Variants in CACNA1B observed in about 807,000 individuals in gnomAD.
The protein encoded by CACNA1B is voltage-dependent N-type calcium channel subunit alpha-1B.
CACNA1B carries 70 observed loss-of-function variants against 247.2 expected under a neutral mutation model. The observed-to-expected ratio is 0.28, with a 90% CI of 0.23 to 0.35. CACNA1B has a LOEUF of 0.35. Ranked by LOEUF, CACNA1B falls within the 10% of genes least tolerant of loss-of-function variation. The pLI is 1.00. For synonymous variants in CACNA1B, 1,231 were observed against 1,294.4 expected, an observed-to-expected ratio of 0.95 and a Z score of 1.05; for missense variants, 2,367 against 3,197.4, an observed-to-expected ratio of 0.74 and a Z score of 6.26.
At position 138,069,748 on chromosome 9, in the gene CACNA1B, T is replaced by C; in HGVS notation, c.4669-10T>C. ...ATGCAAATATCCATCCATGAAAACA[T>C]CACATGTAGGAAACGGTTGGTTTCA... On this transcript the variant is annotated splice_polypyrimidine_tract_variant and intron_variant, in intron 31 of 46. Transcript: ENST00000371372. 1 of 1,607,282 alleles carries C rather than the reference T, an allele frequency of 6.2e-7. No individual in the cohort carries two copies. Among genetic ancestry groups the C allele is most frequent in the Non-Finnish European group, 8.5e-7 (1 of 1,173,878 alleles).
At position 138,059,697 on chromosome 9, in the gene CACNA1B, T is replaced by C. The variant is rs1226448331; in HGVS notation, c.4628T>C (p.Val1543Ala). The change falls in exon 31 of 47, where the codon GTG becomes GCG. Residue 1543 changes from valine to alanine, a missense_variant. Val to Ala is a moderately conservative substitution (Grantham distance 64). Transcript: ENST00000371372. This position sits in a 1 kb window ranked among gnomAD's most constrained non-coding sequence, Gnocchi z 4.2. ...TGGAATGTCTTTGACTTTGTCACTG[T>C]GTTGGGAAGTATTACTGATATTTTA... is the stretch of plus-strand genomic sequence containing the variant. ...DAWNVFDFVTVLGSITDILVT... is the reference protein window; with the variant it reads ...DAWNVFDFVTALGSITDILVT... The C allele has an allele frequency of 6.2e-7, 1 of 1,608,984 alleles. No homozygotes were observed. The highest frequency in any genetic ancestry group is 1.7e-5 in the Admixed American group (1 of 60,020).
In CACNA1B at chr9:138,049,413, C is replaced by T. The variant is rs1959212705; in HGVS notation, c.3710+98C>T. 1.4e-5 allele frequency: 11 copies of T among 797,102 alleles called. 1 individual carries two copies. In the South Asian group the frequency reaches 1.6e-4, roughly 12 times the overall value. The allele number at this position is 797,102 out of a possible 1,614,324, so 49.4% of individuals were successfully genotyped here. ...AGGAAGAGGCCCTCTTGTGGGCTTC[C>T]CTGGGCTGCCTGTGGCTCTGTTGCT... On this transcript the variant is annotated intron_variant, in intron 24 of 46. Coordinates refer to ENST00000371372, the MANE Select transcript of CACNA1B (RefSeq NM_000718.4).
chr9:138,027,760 A>C (rs1958938986), intron 20 of CACNA1B, among the ~76,000 whole-genome samples: 1 of 152,150 alleles, frequency 6.6e-6, no homozygotes, highest in South Asian at 2.1e-4. Flanking sequence ...TTTGATATGA[A>C]ATATCTTTGC....
chr9:137,955,346 C>T lies in CACNA1B; in HGVS notation c.1071-352C>T, dbSNP rs1020077647. On this transcript the variant is annotated intron_variant, in intron 7 of 46. Transcript: ENST00000371372. This position sits in a 1 kb window ranked among gnomAD's most constrained non-coding sequence, Gnocchi z 6.9. ...GCCTGGCACAAGGGGAGGGAGGAGGCGCATGCCTAGGTTGCTGTAGGCAGG... is the reference window on the plus strand; with the variant it reads ...GCCTGGCACAAGGGGAGGGAGGAGGTGCATGCCTAGGTTGCTGTAGGCAGG... 3.3e-5 allele frequency among the ~76,000 whole-genome samples: 5 copies of T among 152,316 alleles called. No individual in the cohort carries two copies. The highest frequency in any genetic ancestry group is 2.1e-4 in the South Asian group (1 of 4,830).
chr9:138,104,244 TC>T (rs1961349580), intron 38 of CACNA1B, among the ~76,000 whole-genome samples: 1 of 152,236 alleles, frequency 6.6e-6, no homozygotes. Context: ...CTTGGCTTCT[TC>T]CTGAGATTCT....
intron 6 of CACNA1B, among the ~76,000 whole-genome samples, chr9:137,922,126 G>A (rs1166863517): frequency 6.7e-6 from 1 of 148,624 alleles, no homozygotes; most frequent in African/African-American, 2.5e-5. Flanking sequence ...CAGCATCCTG[G>A]GAGCAGAGTA....
At chr9:138,096,340 G>A in intron 36 of CACNA1B, 144 bp from the exon 37 acceptor site, 1 of 633,278 alleles carries the variant, frequency 1.6e-6, no homozygotes, top group Non-Finnish European at 2.8e-6. Context: ...GTCCCATGGG[G>A]AGAGCAGATC....
intron 3 of CACNA1B, among the ~76,000 whole-genome samples, chr9:137,911,212 C>G (rs1003163396): frequency 5.9e-5 from 9 of 152,050 alleles, no homozygotes; most frequent in African/African-American, 2.2e-4. Context: ...GTTGATCTAG[C>G]TAGTTTTAAA....
intron 3 of CACNA1B, among the ~76,000 whole-genome samples, chr9:137,884,515 G>A (rs1314455346): frequency 1.4e-5 from 2 of 145,732 alleles, no homozygotes; most frequent in South Asian, 4.7e-4. Context: ...CAGCCCAGGA[G>A]TCATGGTAGC....
intron 15 of CACNA1B, among the ~76,000 whole-genome samples, chr9:137,994,902 A>G (rs1958477851): frequency 6.6e-6 from 1 of 152,238 alleles, no homozygotes; most frequent in Admixed American, 6.5e-5. Flanking sequence ...CTGCATAGCC[A>G]AAGCAAGACT....
At chr9:137,897,490 G>A (rs1354694150) in intron 3 of CACNA1B, among the ~76,000 whole-genome samples, 1 of 152,032 alleles carries the variant, frequency 6.6e-6, no homozygotes, top group Non-Finnish European at 1.5e-5. Context: ...TGAGGCAGGA[G>A]AATCACTTGA....
chr9:137,896,682 C>A (rs116463690), intron 3 of CACNA1B, among the ~76,000 whole-genome samples: 6 of 152,128 alleles, frequency 3.9e-5, no homozygotes, highest in Non-Finnish European at 7.3e-5. Flanking sequence ...TTCTAAAAGC[C>A]GTTGTGTGAA....
chr9:137,942,478 C>T (rs1957744213), intron 6 of CACNA1B, among the ~76,000 whole-genome samples: 1 of 152,186 alleles, frequency 6.6e-6, no homozygotes, highest in African/African-American at 2.4e-5. Flanking sequence ...TAGTTGGTGT[C>T]TACCAAGAGG....
At position 138,078,166 on chromosome 9, in the gene CACNA1B, C is replaced by G. The variant is rs200417124; in HGVS notation, c.5002C>G (p.Gln1668Glu). 1.2e-6 allele frequency: 2 copies of G among 1,613,790 alleles called. No individual in the cohort carries two copies. Among genetic ancestry groups the G allele is most frequent in the South Asian group, 2.2e-5 (2 of 91,084 alleles). Residue 1668 changes from glutamine (Q) to glutamate (E), a missense_variant, in exon 36 of 47, where the codon CAG becomes GAG. By Grantham distance (29) the Gln-to-Glu change is conservative. Coordinates refer to ENST00000371372, the MANE Select transcript of CACNA1B (RefSeq NM_000718.4). ...GATCATGCTGTCCTGCCTGAGCAACCAGGCCTGTGATGAGCAGGCCAATGC... is the reference window on the plus strand; with the variant it reads ...GATCATGCTGTCCTGCCTGAGCAACGAGGCCTGTGATGAGCAGGCCAATGC... The part of the protein sequence containing the change: ...HEIMLSCLSN[Q>E]ACDEQANATE...
At chr9:138,027,255 G>A (rs1454293077) in intron 20 of CACNA1B, among the ~76,000 whole-genome samples, 1 of 151,990 alleles carries the variant, frequency 6.6e-6, no homozygotes, top group Non-Finnish European at 1.5e-5. Flanking sequence ...GTTTTCGATT[G>A]CTAAAAACAA....
intron 3 of CACNA1B, among the ~76,000 whole-genome samples, chr9:137,884,970 CCTCCCA>C (rs1956988385): frequency 1.3e-4 from 13 of 102,984 alleles, no homozygotes; most frequent in South Asian, 3.2e-4. Flanking sequence ...CCCCCCCCCT[CCTCCCA>C]CTTTGCCTGT....
chr9:137,936,045 G>C (rs1200446912), intron 6 of CACNA1B, among the ~76,000 whole-genome samples: 3 of 152,222 alleles, frequency 2.0e-5, no homozygotes, highest in African/African-American at 7.2e-5. Flanking sequence ...TTTTAGTAGA[G>C]ACGGGGTTTC....
Position 138,103,872 on chromosome 9 carries a change from G to A in CACNA1B, c.5319+1065G>A, listed in dbSNP as rs560189914. On this transcript the variant is annotated intron_variant, in intron 38 of 46. Coordinates refer to ENST00000371372, the MANE Select transcript of CACNA1B (RefSeq NM_000718.4). ...CCCTGACTCTAGGTCTTTGTCACCC[G>A]ACTCAGTGCAGCCTGTGGGAGCCAA... is the stretch of plus-strand genomic sequence containing the variant. Among the ~76,000 whole-genome samples, 36 of 152,344 alleles carry A rather than the reference G, an allele frequency of 2.4e-4. 1 individual carries two copies. The South Asian group carries it at 7.5e-3, about 32-fold the overall frequency.
At position 138,023,265 on chromosome 9, in the gene CACNA1B, C is replaced by G; in HGVS notation, c.2522C>G (p.Ala841Gly). The G allele has an allele frequency of 1.3e-6, 2 of 1,514,980 alleles. No homozygotes were observed. Among genetic ancestry groups the G allele is most frequent in the Non-Finnish European group, 1.8e-6 (2 of 1,139,842 alleles). 93.8% of individuals were successfully genotyped at this position (1,514,980 alleles called of 1,614,324 possible). Residue 841 changes from alanine (A) to glycine (G), a missense_variant, in exon 19 of 47, where the codon GCC (alanine) becomes GGC (glycine). Physicochemically the swap from Ala to Gly is moderately conservative, Grantham distance 60 (BLOSUM62 0). This residue lies in a region of CACNA1B where 631 missense variants were observed against 631.1 expected (regional missense o/e 1.00). Coordinates refer to ENST00000371372, the MANE Select transcript of CACNA1B (RefSeq NM_000718.4). ...GGKARPEAAE[A>G]PEGVDPPRRH... ...AAAGCCCGACCTGAGGCTGCGGAGGCCCCCGAGGGCGTCGACCCTCCGCGC... is the reference window on the plus strand; with the variant it reads ...AAAGCCCGACCTGAGGCTGCGGAGGGCCCCGAGGGCGTCGACCCTCCGCGC...
Sources: gnomAD v4.1 joint callset for allele counts (sites outside exome capture counted in the v4.1 genomes callset) on GRCh38, gnomAD v4.1.1 for gene constraint, gnomAD v4.1.1 regional missense constraint, Gnocchi (gnomAD v3.1) non-coding constraint, MANE v1.5 for transcripts, NCBI Gene and HGNC (gene_info 2026-07-23, HGNC 2026-07-21) for gene names.